ANKRD30B: variants seen among roughly 807,000 people sequenced by gnomAD.
ANKRD30B encodes ankyrin repeat domain 30B, also known as ankyrin repeat domain-containing protein 30B.
In ANKRD30B, 144 loss-of-function variants were observed where a neutral mutation model predicts 202.2. That is an observed-to-expected ratio of 0.71 (90% CI 0.62 to 0.82). The LOEUF (loss-of-function observed/expected upper bound fraction) is 0.82, where lower values mean the gene tolerates loss of function less well. ANKRD30B is among the 40% of genes least tolerant of loss of function. ANKRD30B has a pLI of 0.00. For synonymous variants in ANKRD30B, 508 were observed against 561.3 expected, an observed-to-expected ratio of 0.91 and a Z score of 1.34; for missense variants, 1,487 against 1,669.1, an observed-to-expected ratio of 0.89 and a Z score of 1.90.
At chr18:14,763,133 G>T (rs1915525796) in intron 6 of ANKRD30B, among the ~76,000 whole-genome samples, 1 of 151,078 alleles carries the variant, frequency 6.6e-6, no homozygotes, top group Non-Finnish European at 1.5e-5. Flanking sequence ...ACTTTATTTA[G>T]TGTTTACTCT....
At position 14,840,568 on chromosome 18, in the gene ANKRD30B, A is replaced by G. The variant is rs1399993331; in HGVS notation, c.2989-20A>G. 8.6e-7 allele frequency: 1 copy of G among 1,161,494 alleles called. No individual in the cohort carries two copies. The highest frequency in any genetic ancestry group is 2.6e-5 in the South Asian group (1 of 38,894). 71.9% of individuals were successfully genotyped at this position (1,161,494 alleles called of 1,614,324 possible). Reference sequence around the variant, plus strand: ...AAAATAGTAAAAAAAGAAATTATTTATTAATATTATCTTTAACAGATTATC... The same window carrying G: ...AAAATAGTAAAAAAAGAAATTATTTGTTAATATTATCTTTAACAGATTATC... On this transcript the variant is annotated intron_variant, in intron 36 of 43. Transcript: ENST00000690538.
the ANKRD30B span, among the ~76,000 whole-genome samples, chr18:14,936,550 G>A: frequency 5.3e-5 from 8 of 152,160 alleles, no homozygotes; most frequent in African/African-American, 1.9e-4. Context: ...AGGGAGGGAT[G>A]TGAAACAAAC....
the ANKRD30B span, among the ~76,000 whole-genome samples, chr18:14,894,708 C>G: frequency 6.6e-6 from 1 of 151,202 alleles, no homozygotes; most frequent in Non-Finnish European, 1.5e-5. Flanking sequence ...GATTTTCTGT[C>G]AAGCCTGGAT....
At chr18:14,898,316 C>G in the ANKRD30B span, among the ~76,000 whole-genome samples, 1 of 152,088 alleles carries the variant, frequency 6.6e-6, no homozygotes, top group Admixed American at 6.6e-5. Context: ...CAGGATGAAA[C>G]TGTTCCACTT....
chr18:14,796,291 T>C (rs1266910449), intron 17 of ANKRD30B, 42 bp downstream of exon 17: 2 of 1,610,086 alleles, frequency 1.2e-6, no homozygotes, highest in Non-Finnish European at 1.7e-6. Context: ...TAACTACATA[T>C]TTTAGGAAGC....
chr18:14,808,234 A>C, intron 24 of ANKRD30B: 3 of 348,086 alleles, frequency 8.6e-6, no homozygotes, highest in Non-Finnish European at 1.7e-5. Context: ...TAATAAATTC[A>C]ACTTCTTTCC....
At chr18:14,783,971 C>A (rs572711785) in intron 12 of ANKRD30B, among the ~76,000 whole-genome samples, 9 of 152,120 alleles carry the variant, frequency 5.9e-5, no homozygotes, top group African/African-American at 2.2e-4. Context: ...CAAAGATAGG[C>A]CATATTAAAG....
the ANKRD30B span, among the ~76,000 whole-genome samples, chr18:14,867,134 C>T: frequency 1.8e-4 from 13 of 73,378 alleles, no homozygotes; most frequent in Non-Finnish European, 2.7e-4. Context: ...GCTTGTGGTC[C>T]GGGTGGGGGG....
At chr18:14,874,639 A>C in the ANKRD30B span, among the ~76,000 whole-genome samples, 1 of 152,212 alleles carries the variant, frequency 6.6e-6, no homozygotes, top group South Asian at 2.1e-4. Flanking sequence ...GAATAGATGA[A>C]AGTGGTTAGC....
chr18:14,767,465 G>A (rs902669809), intron 7 of ANKRD30B, among the ~76,000 whole-genome samples: 5 of 152,158 alleles, frequency 3.3e-5, no homozygotes, highest in South Asian at 2.1e-4. Flanking sequence ...AGGTGAATAC[G>A]GTCTCTCAAA....
chr18:14,855,602 A>C (rs1380639103), downstream of ANKRD30B, among the ~76,000 whole-genome samples: 1 of 143,648 alleles, frequency 7.0e-6, no homozygotes, highest in African/African-American at 2.6e-5. Flanking sequence ...GGCGGCTGGG[A>C]AGAGGCACTC....
the ANKRD30B span, among the ~76,000 whole-genome samples, chr18:14,868,385 T>C: frequency 6.6e-5 from 10 of 152,296 alleles, no homozygotes; most frequent in Non-Finnish European, 1.5e-4. Context: ...AGTGGCAGCA[T>C]TGTTTTGTTC....
the ANKRD30B span, among the ~76,000 whole-genome samples, chr18:14,923,013 A>G: frequency 6.6e-6 from 1 of 152,188 alleles, no homozygotes. Context: ...CTGGGCCAGG[A>G]AAAAACCTGC....
chr18:14,786,425 T>C (rs548104362), intron 14 of ANKRD30B, among the ~76,000 whole-genome samples: 2 of 152,342 alleles, frequency 1.3e-5, no homozygotes, highest in African/African-American at 4.8e-5. Flanking sequence ...AGTGTGTCGT[T>C]GTAATTAAAG....
chr18:14,790,889 G>A (rs1045503669), intron 15 of ANKRD30B, among the ~76,000 whole-genome samples: 2 of 151,976 alleles, frequency 1.3e-5, no homozygotes, highest in African/African-American at 2.4e-5. Context: ...TTGGTATCAG[G>A]ATGATGCTGG....
At chr18:14,748,706 A>T in intron 1 of ANKRD30B, 66 bp downstream of exon 1, 2 of 1,425,670 alleles carry the variant, frequency 1.4e-6, no homozygotes, top group African/African-American at 2.9e-5. Flanking sequence ...TCGCCCCTTC[A>T]GAGTGGTGGC....
the ANKRD30B span, among the ~76,000 whole-genome samples, chr18:14,916,039 T>C: frequency 7.2e-5 from 11 of 152,202 alleles, no homozygotes; most frequent in Non-Finnish European, 1.5e-4. Flanking sequence ...TCTGTAGATT[T>C]TGGTATCTGG....
chr18:14,882,719 TATC>T, the ANKRD30B span, among the ~76,000 whole-genome samples: 1 of 152,156 alleles, frequency 6.6e-6, no homozygotes, highest in Non-Finnish European at 1.5e-5. Flanking sequence ...AGTCCCCCAC[TATC>T]ATTGTGTTTC....
intron 16 of ANKRD30B, among the ~76,000 whole-genome samples, chr18:14,793,960 G>A (rs543950505): frequency 2.0e-5 from 3 of 151,746 alleles, no homozygotes; most frequent in Non-Finnish European, 4.4e-5. Context: ...TCTCTTCATG[G>A]TGACTAAAAA....
Sources: allele counts gnomAD v4.1 joint callset (sites outside exome capture counted in the v4.1 genomes callset), GRCh38; gene constraint gnomAD v4.1.1; transcripts MANE v1.5; gene names NCBI Gene and HGNC (gene_info 2026-07-23, HGNC 2026-07-21).